The following ADGRL2 variants were observed in gnomAD, a reference collection of about 807,000 sequenced individuals.
ADGRL2 encodes calcium-independent alpha-latrotoxin receptor 2.
ADGRL2 carries 44 observed loss-of-function variants against 157.4 expected under a neutral mutation model. That is an observed-to-expected ratio of 0.28 (90% CI 0.22 to 0.36). ADGRL2 has a LOEUF of 0.36. Ranked by LOEUF, ADGRL2 falls within the 10% of genes least tolerant of loss-of-function variation. ADGRL2 has a pLI of 1.00. For missense variants in ADGRL2, 1,510 were observed against 1,768.9 expected, an observed-to-expected ratio of 0.85 and a Z score of 2.63; for synonymous variants, 585 against 624.7, an observed-to-expected ratio of 0.94 and a Z score of 0.95.
rs538647000 is a variant in ADGRL2, at chr1:81,928,999, G to A, written c.288-7729G>A. Among the ~76,000 whole-genome samples the A allele has an allele frequency of 9.2e-5, 14 of 152,172 alleles. No individual in the cohort carries two copies. In the East Asian group the frequency reaches 2.1e-3, roughly 23 times the overall value. On this transcript the variant is annotated intron_variant, in intron 3 of 23. Transcript: ENST00000686636. ...TTAAATTGATGAAGCAATCTTCATC[G>A]AAGATGCAGACTCAATAAAGGATTG...
intron 2 of ADGRL2, among the ~76,000 whole-genome samples, chr1:81,550,128 T>C (rs758752764): frequency 6.6e-5 from 10 of 152,262 alleles, no homozygotes; most frequent in African/African-American, 2.4e-4. Flanking sequence ...CCAAGGAGTA[T>C]CATAGGGTAG....
chr1:81,418,067 A>C (rs1054755393), intron 1 of ADGRL2, among the ~76,000 whole-genome samples: 1 of 152,222 alleles, frequency 6.6e-6, no homozygotes, highest in East Asian at 1.9e-4. Flanking sequence ...TGAATAACCC[A>C]GCTCTCTAAA....
intron 16 of ADGRL2, 142 bp from the exon 17 acceptor site, chr1:81,971,710 A>C (rs1658804653): frequency 1.9e-6 from 1 of 514,670 alleles, no homozygotes; most frequent in Non-Finnish European, 3.5e-6. Context: ...CAGAATTATT[A>C]GAGGTCTTGC....
At chr1:81,806,448 G>C (rs1228730766) in intron 1 of ADGRL2, among the ~76,000 whole-genome samples, 7 of 151,586 alleles carry the variant, frequency 4.6e-5, no homozygotes, top group Non-Finnish European at 8.9e-5. Context: ...GTTTACTTAG[G>C]GTTAATCTTT....
At chr1:81,747,701 T>TTGTGTGTGTGTGTGTG (rs10556401) in intron 1 of ADGRL2, among the ~76,000 whole-genome samples, 15 of 147,254 alleles carry the variant, frequency 1.0e-4, no homozygotes, top group Non-Finnish European at 7.5e-5. Flanking sequence ...CCTTTAATGT[T>TTGTGTGTGTGTGTGTG]TGTGTGTGTG....
chr1:81,980,374 T>C (rs79352566), intron 18 of ADGRL2, among the ~76,000 whole-genome samples: 1,721 of 151,910 alleles, frequency 0.011, 33 homozygotes, highest in African/African-American at 0.04. Flanking sequence ...ATTACTATTG[T>C]TAACTTGAAG....
intron 2 of ADGRL2, among the ~76,000 whole-genome samples, chr1:81,451,365 T>C (rs2101740238): frequency 6.6e-6 from 1 of 152,312 alleles, no homozygotes; most frequent in African/African-American, 2.4e-5. Context: ...CATTGATCTC[T>C]TTTTGTCTGG....
intron 3 of ADGRL2, among the ~76,000 whole-genome samples, chr1:81,934,017 T>G (rs1557943275): frequency 6.6e-6 from 1 of 152,098 alleles, no homozygotes; most frequent in Non-Finnish European, 1.5e-5. Context: ...TGAATATTTT[T>G]TATATTTTGG....
At chr1:81,548,491 C>T (rs2080072284) in intron 2 of ADGRL2, among the ~76,000 whole-genome samples, 1 of 151,794 alleles carries the variant, frequency 6.6e-6, no homozygotes, top group Admixed American at 6.6e-5. Context: ...CAATTAAATA[C>T]TGTTAAGTAG....
At position 81,992,673 on chromosome 1, in the gene ADGRL2, G is replaced by C. The variant is rs78294868; in HGVS notation, c.*1528G>C. Among the ~76,000 whole-genome samples, 391 of 151,934 alleles carry C rather than the reference G, an allele frequency of 2.6e-3. 2 individuals carry two copies. The highest frequency in any genetic ancestry group is 7.0e-3 in the African/African-American group (291 of 41,438). On this transcript the variant is annotated 3_prime_UTR_variant, in exon 24 of 24. Coordinates refer to ENST00000686636, the MANE Select transcript of ADGRL2 (RefSeq NM_001366006.2). ...CATTTTTGTTTGTTGCATTGTACCA[G>C]GACTAAAAAAAGAAGGATTGGAAGT...
At chr1:81,340,964 C>T (rs1295381365) in intron 1 of ADGRL2, among the ~76,000 whole-genome samples, 1 of 151,718 alleles carries the variant, frequency 6.6e-6, no homozygotes, top group Non-Finnish European at 1.5e-5. Flanking sequence ...GCCCATTTTC[C>T]ACATCGTCAA....
intron 2 of ADGRL2, among the ~76,000 whole-genome samples, chr1:81,769,768 T>C (rs1315828702): frequency 3.3e-5 from 5 of 152,254 alleles, no homozygotes; most frequent in Admixed American, 6.5e-5. Context: ...TGAAGGGAAA[T>C]TACATCTTTC....
intron 2 of ADGRL2, among the ~76,000 whole-genome samples, chr1:81,485,965 A>G (rs1173115512): frequency 6.6e-6 from 1 of 152,154 alleles, no homozygotes; most frequent in Non-Finnish European, 1.5e-5. Context: ...CACTCTCCTC[A>G]TGCTTTGTGT....
intron 1 of ADGRL2, among the ~76,000 whole-genome samples, chr1:81,397,663 C>A (rs932458318): frequency 3.9e-5 from 6 of 151,946 alleles, no homozygotes; most frequent in Admixed American, 1.3e-4. Context: ...TTATTTGGGT[C>A]TTTTCTTTTT....
At chr1:81,749,588 A>C (rs2085422227) in intron 1 of ADGRL2, among the ~76,000 whole-genome samples, 1 of 152,172 alleles carries the variant, frequency 6.6e-6, no homozygotes, top group Non-Finnish European at 1.5e-5. Flanking sequence ...GAATATATTG[A>C]TGTATTATAA....
intron 2 of ADGRL2, among the ~76,000 whole-genome samples, chr1:81,865,440 A>G (rs757305731): frequency 3.3e-5 from 5 of 152,198 alleles, no homozygotes; most frequent in Non-Finnish European, 5.9e-5. Flanking sequence ...CATAAATTCT[A>G]TTTTAAAGAT....
intron 2 of ADGRL2, among the ~76,000 whole-genome samples, chr1:81,874,866 C>T (rs543550643): frequency 8.6e-5 from 13 of 152,010 alleles, no homozygotes; most frequent in African/African-American, 3.1e-4. Flanking sequence ...CCACTGTGCC[C>T]GGCTAATTTT....
chr1:81,869,514 A>T (rs2150975347), intron 2 of ADGRL2, among the ~76,000 whole-genome samples: 1 of 152,228 alleles, frequency 6.6e-6, no homozygotes, highest in South Asian at 2.1e-4. Context: ...ATGTATAATG[A>T]CTTCCAGCCA....
At chr1:81,612,764 C>T (rs1387524087) in intron 3 of ADGRL2, among the ~76,000 whole-genome samples, 1 of 152,078 alleles carries the variant, frequency 6.6e-6, no homozygotes, top group Non-Finnish European at 1.5e-5. Flanking sequence ...AGGCTAAAGA[C>T]ATTCCTCCAA....
Sources: gnomAD v4.1 joint callset for allele counts (sites outside exome capture counted in the v4.1 genomes callset) on GRCh38, gnomAD v4.1.1 for gene constraint, MANE v1.5 for transcripts, NCBI Gene and HGNC (gene_info 2026-07-23, HGNC 2026-07-21) for gene names.